FCHO1: variants seen among roughly 807,000 people sequenced by gnomAD.
The protein encoded by FCHO1 is FCH and mu domain containing endocytic adaptor 1, also known as F-BAR domain only protein 1.
FCHO1 carries 45 observed loss-of-function variants against 114.4 expected under a neutral mutation model. The ratio of observed to expected loss-of-function variants is 0.39; its 90% confidence interval spans 0.31 to 0.50. The LOEUF is 0.50. Among genes scored for constraint, FCHO1 ranks in the 20% least tolerant of loss-of-function variants. FCHO1 has a pLI of 0.77. For missense variants in FCHO1, 1,042 were observed against 1,209.6 expected, an observed-to-expected ratio of 0.86 and a Z score of 2.06; for synonymous variants, 480 against 488.9, an observed-to-expected ratio of 0.98 and a Z score of 0.24.
chr19:17,764,556 A>T (rs2087923839), intron 6 of FCHO1, 107 bp downstream of exon 6: 1 of 833,302 alleles, frequency 1.2e-6, no homozygotes, highest in Non-Finnish European at 1.9e-6. Context: ...CACCTCGATT[A>T]TGGGGCTATT....
At chr19:17,766,868 A>C in intron 7 of FCHO1, 58 bp downstream of exon 7, 18 of 1,570,474 alleles carry the variant, frequency 1.1e-5, no homozygotes, top group Non-Finnish European at 1.6e-5. Flanking sequence ...GGCAGCTCAC[A>C]GGACCCCAGA....
At chr19:17,764,339 G>A in intron 5 of FCHO1, 36 bp from the exon 6 acceptor site, 1 of 1,603,174 alleles carries the variant, frequency 6.2e-7, no homozygotes, top group Non-Finnish European at 8.5e-7. Context: ...CTGCGCCCGG[G>A]CAGTTTCTCC....
chr19:17,764,126 A>C (rs2087684724), intron 5 of FCHO1, among the ~76,000 whole-genome samples: 1 of 149,408 alleles, frequency 6.7e-6, no homozygotes, highest in Admixed American at 6.7e-5. Flanking sequence ...CGCAACCTCC[A>C]CCTCCTAGGT....
chr19:17,772,700 G>A lies in FCHO1; in HGVS notation c.749G>A (p.Arg250Lys), dbSNP rs150385632. The A allele has an allele frequency of 1.9e-6, 3 of 1,614,068 alleles. No individual in the cohort carries two copies. Among genetic ancestry groups the A allele is most frequent in the African/African-American group, 2.7e-5 (2 of 74,948 alleles). The change falls in exon 11 of 29, where the codon AGG becomes AAG. Residue 250 changes from arginine (R) to lysine (K), a missense_variant. By Grantham distance (26) the Arg-to-Lys change is conservative (BLOSUM62 2). This residue lies in a region of FCHO1 where 450 missense variants were observed against 564.1 expected (regional missense o/e 0.80). Transcript: ENST00000596536. Reference protein sequence around the residue: ...IENVSVEMLLRKFAESKGTGR... With the variant: ...IENVSVEMLLKKFAESKGTGR... The stretch of plus-strand genomic sequence containing the variant: ...AACGTCAGCGTGGAGATGCTACTCA[G>A]GAAGTTTGCAGAGAGTAAGGGCACA...
At chr19:17,765,826 T>C (rs866093271) in intron 6 of FCHO1, among the ~76,000 whole-genome samples, 1 of 151,176 alleles carries the variant, frequency 6.6e-6, no homozygotes, top group South Asian at 2.1e-4. Flanking sequence ...ATGGGGCTTC[T>C]GCTGAGTGGG....
At position 17,784,606 on chromosome 19, in the gene FCHO1, T is replaced by G. The variant is rs1462277374; in HGVS notation, c.2227-119T>G. On this transcript the variant is annotated intron_variant, in intron 25 of 28. Transcript: ENST00000596536. The surrounding 1 kb of genome is among the most constrained non-coding windows in gnomAD (Gnocchi z 5.3). ...GCCTCTCATCCATCAAATCTCCCTGTGACTGGACCCCCTTGGGGCGGTGCG... is the reference window on the plus strand; with the variant it reads ...GCCTCTCATCCATCAAATCTCCCTGGGACTGGACCCCCTTGGGGCGGTGCG... 5.2e-6 allele frequency: 5 copies of G among 957,566 alleles called. No homozygotes were observed. In the East Asian group the frequency reaches 1.2e-4, roughly 23 times the overall value. The allele number at this position is 957,566 out of a possible 1,614,324, so 59.3% of individuals were successfully genotyped here.
In FCHO1 at chr19:17,759,226, C is replaced by CTTTTTTTTTTT. The variant is rs1473282318; in HGVS notation, c.28-3532_28-3522dup. On this transcript the variant is annotated intron_variant, in intron 4 of 28. Coordinates refer to ENST00000596536, the MANE Select transcript of FCHO1 (RefSeq NM_015122.3). ...GTTCCCTCAGACCCCAGCTGATTACCTTTTTTTTTTTTTTGAGACAGAGTC... is the reference window on the plus strand; with the variant it reads ...GTTCCCTCAGACCCCAGCTGATTACCTTTTTTTTTTTTTTTTTTTTTTTTTGAGACAGAGTC... 6.6e-3 allele frequency among the ~76,000 whole-genome samples: 703 copies of CTTTTTTTTTTT among 105,838 alleles called. 92 individuals carry two copies. Among genetic ancestry groups the CTTTTTTTTTTT allele is most frequent in the African/African-American group, 0.023 (650 of 27,738 alleles). The allele number at this position is 105,838 out of a possible 152,430, so 69.4% of individuals were successfully genotyped here. A position where few individuals can be genotyped will look rare whatever the true frequency, so the allele number is the denominator to read the frequency against.
chr19:17,788,247 C>CT, intron 28 of FCHO1, 37 bp from the exon 29 acceptor site: 1 of 1,257,312 alleles, frequency 8.0e-7, no homozygotes, highest in Admixed American at 1.8e-5. Flanking sequence ...CGTACCCCTC[C>CT]TCCCCACCCC....
chr19:17,752,806 G>A (rs1313238197), intron 1 of FCHO1, among the ~76,000 whole-genome samples: 1 of 151,950 alleles, frequency 6.6e-6, no homozygotes, highest in Non-Finnish European at 1.5e-5. Flanking sequence ...TGGCTGAGAT[G>A]GGAGGATCAC....
At chr19:17,749,580 G>A (rs1040695458), upstream of FCHO1, among the ~76,000 whole-genome samples, 2 of 151,966 alleles carry the variant, frequency 1.3e-5, no homozygotes, top group Admixed American at 1.3e-4. Context: ...GAAGAGGGAG[G>A]GGACCCATGG....
chr19:17,748,509 G>T (rs552162575), upstream of FCHO1, among the ~76,000 whole-genome samples: 9 of 137,294 alleles, frequency 6.6e-5, no homozygotes, highest in South Asian at 1.1e-3. Flanking sequence ...CCTGGACTTG[G>T]GGGGGGGGTC....
rs934122506 is a variant in FCHO1 at position 17,775,378 on chromosome 19, C to G, written c.946-78C>G. The G allele has an allele frequency of 4.2e-6, 6 of 1,413,392 alleles. No homozygotes were observed. The highest frequency in any genetic ancestry group is 4.0e-6 in the Non-Finnish European group (4 of 998,640). 87.6% of individuals were successfully genotyped at this position (1,413,392 alleles called of 1,614,324 possible). ...TCTGAGTCAAGGCCTGGGGGCAGGG[C>G]GGGGGGCGGTTGGCAGGGTGAGATG... On this transcript the variant is annotated intron_variant, in intron 14 of 28. Coordinates refer to ENST00000596536, the MANE Select transcript of FCHO1 (RefSeq NM_015122.3). The surrounding 1 kb of genome is among the most constrained non-coding windows in gnomAD (Gnocchi z 5.1).
intron 9 of FCHO1, among the ~76,000 whole-genome samples, chr19:17,771,962 G>A (rs548477799): frequency 2.0e-5 from 3 of 152,156 alleles, no homozygotes; most frequent in African/African-American, 7.2e-5. Flanking sequence ...ACAGGCACGT[G>A]CCACCACACC....
At chr19:17,763,671 C>T (rs2087445977) in intron 5 of FCHO1, among the ~76,000 whole-genome samples, 1 of 150,678 alleles carries the variant, frequency 6.6e-6, no homozygotes. Flanking sequence ...GATCCTCCCA[C>T]CTCAGGATCC....
rs1166275371 is a variant in FCHO1, at chr19:17,786,569, G to A, written c.2427-5G>A. ...AAGCCCTGATTAAGATTCTTTCTCT[G>A]CCAGGAACCTGGAGGAGAAGCGGCT... On this transcript the variant is annotated splice_region_variant and splice_polypyrimidine_tract_variant and intron_variant, in intron 26 of 28. Coordinates refer to ENST00000596536, the MANE Select transcript of FCHO1 (RefSeq NM_015122.3). The A allele has an allele frequency of 9.4e-6, 14 of 1,482,204 alleles. No individual in the cohort carries two copies. The highest frequency in any genetic ancestry group is 1.8e-5 in the Admixed American group (1 of 55,444). The allele number at this position is 1,482,204 out of a possible 1,614,324, so 91.8% of individuals were successfully genotyped here.
At chr19:17,782,947 C>CA in intron 23 of FCHO1, 70 bp from the exon 24 acceptor site, 1 of 1,562,760 alleles carries the variant, frequency 6.4e-7, no homozygotes, top group Admixed American at 1.8e-5. Context: ...CCAGTGAAAC[C>CA]AAGAGAAGGG....
intron 1 of FCHO1, chr19:17,752,178 C>T (rs555942372): frequency 4.1e-4 from 63 of 152,324 alleles, no homozygotes; most frequent in African/African-American, 1.4e-3. Flanking sequence ...CATGTAGCTA[C>T]TGAGCCTTGG....
intron 4 of FCHO1, among the ~76,000 whole-genome samples, chr19:17,756,361 A>G (rs2083508778): frequency 6.6e-6 from 1 of 152,146 alleles, no homozygotes; most frequent in Admixed American, 6.6e-5. Flanking sequence ...TGAGGATCAA[A>G]AGTCACCTGC....
intron 4 of FCHO1, among the ~76,000 whole-genome samples, chr19:17,762,407 G>C (rs2146571843): frequency 6.6e-6 from 1 of 151,694 alleles, no homozygotes; most frequent in South Asian, 2.1e-4. Context: ...TTTATGGAAA[G>C]ACACAAAGAG....
Sources: allele counts gnomAD v4.1 joint callset (sites outside exome capture counted in the v4.1 genomes callset), GRCh38; gene constraint gnomAD v4.1.1; regional missense constraint gnomAD v4.1.1; non-coding constraint Gnocchi (gnomAD v3.1); transcripts MANE v1.5; gene names NCBI Gene and HGNC (gene_info 2026-07-23, HGNC 2026-07-21).